SLC8A2: variants seen among roughly 807,000 people sequenced by gnomAD.
The protein encoded by SLC8A2 is solute carrier family 8 member A2.
Under a neutral mutation model 70.2 loss-of-function variants are expected in SLC8A2, and 14 were observed. That is an observed-to-expected ratio of 0.20 (90% CI 0.13 to 0.31). The LOEUF is 0.31. Among genes scored for constraint, SLC8A2 ranks in the 10% least tolerant of loss-of-function variants. SLC8A2 has a pLI of 1.00. For missense variants in SLC8A2, 779 were observed against 1,320.1 expected, an observed-to-expected ratio of 0.59 and a Z score of 6.35; for synonymous variants, 575 against 594.3, an observed-to-expected ratio of 0.97 and a Z score of 0.47.
At chr19:47,438,243 G>C (rs1485201216) in intron 6 of SLC8A2, among the ~76,000 whole-genome samples, 1 of 152,106 alleles carries the variant, frequency 6.6e-6, no homozygotes, top group African/African-American at 2.4e-5. Flanking sequence ...GAGCCTCTCT[G>C]TGCCTTAGTT....
rs1599843019 is a variant in SLC8A2, at chr19:47,432,043, A to G, written c.2389+124T>C. ...GGCTTCTATTATGCCCCACCTCCGT[A>G]TTTCTCTGAGACCCACCACATGGGC... On this transcript the variant is annotated intron_variant, in intron 9 of 9. Transcript: ENST00000236877. This position sits in a 1 kb window ranked among gnomAD's most constrained non-coding sequence, Gnocchi z 6.2. 2.2e-6 allele frequency: 2 copies of G among 913,268 alleles called. No homozygotes were observed. The allele number at this position is 913,268 out of a possible 1,614,324, so 56.6% of individuals were successfully genotyped here.
At chr19:47,459,805 A>G (rs527957846) in intron 2 of SLC8A2, among the ~76,000 whole-genome samples, 2 of 152,090 alleles carry the variant, frequency 1.3e-5, no homozygotes, top group African/African-American at 2.4e-5. Flanking sequence ...GTGTGTGCGC[A>G]CATGTGTGTA....
chr19:47,469,064 C>T (rs1247642849), intron 1 of SLC8A2, among the ~76,000 whole-genome samples: 3 of 151,508 alleles, frequency 2.0e-5, no homozygotes, highest in African/African-American at 7.3e-5. Flanking sequence ...AGGGAGGCAG[C>T]GTGTTGGCAG....
rs1386533965 is a variant in SLC8A2 at position 47,457,598 on chromosome 19, C to T, written c.676-4G>A. ...GGGTCAGCAGCGCCTCCCACACCTGCGGGCGGCGGGCGTCAGGGCGAGGCC... is the reference window on the plus strand; with the variant it reads ...GGGTCAGCAGCGCCTCCCACACCTGTGGGCGGCGGGCGTCAGGGCGAGGCC... On this transcript the variant is annotated splice_region_variant and splice_polypyrimidine_tract_variant and intron_variant, in intron 2 of 9. Coordinates refer to ENST00000236877, the MANE Select transcript of SLC8A2 (RefSeq NM_015063.3). 6.5e-7 allele frequency: 1 copy of T among 1,532,000 alleles called. No individual in the cohort carries two copies. The highest frequency in any genetic ancestry group is 2.5e-5 in the East Asian group (1 of 40,752). 94.9% of individuals were successfully genotyped at this position (1,532,000 alleles called of 1,614,324 possible).
intron 6 of SLC8A2, 109 bp from the exon 7 acceptor site, chr19:47,438,082 T>C: frequency 1.4e-6 from 2 of 1,407,126 alleles, no homozygotes; most frequent in Non-Finnish European, 9.8e-7. Context: ...TGTTCTCCTC[T>C]GGGAAGCTCC....
chr19:47,459,671 G>GTC (rs1187977059), intron 2 of SLC8A2, among the ~76,000 whole-genome samples: 18 of 150,870 alleles, frequency 1.2e-4, no homozygotes, highest in Middle Eastern at 3.5e-3. Flanking sequence ...CTGTGTGTGT[G>GTC]CATGTGTGTG....
intron 1 of SLC8A2, among the ~76,000 whole-genome samples, chr19:47,470,134 A>T (rs1338566681): frequency 6.6e-6 from 1 of 152,194 alleles, no homozygotes; most frequent in Non-Finnish European, 1.5e-5. Context: ...CCCCAGCATG[A>T]GCGCAGGCGC....
chr19:47,457,813 C>CCTTT (rs1040735097), intron 2 of SLC8A2, among the ~76,000 whole-genome samples: 3 of 145,584 alleles, frequency 2.1e-5, no homozygotes, highest in African/African-American at 7.6e-5. Context: ...TTCCTTTCTT[C>CCTTT]CTTCTTTCTC....
At chr19:47,451,317 G>GT (rs1967232792) in intron 3 of SLC8A2, among the ~76,000 whole-genome samples, 1 of 149,310 alleles carries the variant, frequency 6.7e-6, no homozygotes, top group African/African-American at 2.5e-5. Flanking sequence ...CCTTTTTTTT[G>GT]TTTTTGTTTG....
rs75437897 is a variant in SLC8A2 at position 47,459,579 on chromosome 19, C to T, written c.676-1985G>A. On this transcript the variant is annotated intron_variant, in intron 2 of 9. Coordinates refer to ENST00000236877, the MANE Select transcript of SLC8A2 (RefSeq NM_015063.3). Reference sequence around the variant, plus strand: ...ATGTGCATGTGTATATGTGTATGTGCGTGTGTGTGTCCTGTGTGTGCGTGC... The same window carrying T: ...ATGTGCATGTGTATATGTGTATGTGTGTGTGTGTGTCCTGTGTGTGCGTGC... Among the ~76,000 whole-genome samples, 349 of 151,080 alleles carry T rather than the reference C, an allele frequency of 2.3e-3. 5 individuals are homozygous for T. The East Asian group carries it at 0.059, about 25-fold the overall frequency.
At chr19:47,454,305 A>C (rs1259233447) in intron 3 of SLC8A2, among the ~76,000 whole-genome samples, 2 of 152,112 alleles carry the variant, frequency 1.3e-5, no homozygotes, top group African/African-American at 4.8e-5. Context: ...TGGAAAGGTG[A>C]AAAGATAGTT....
In SLC8A2 at chr19:47,457,119, C is replaced by T; in HGVS notation, c.1151G>A (p.Gly384Asp). The part of the protein sequence containing the change: ...DASRRAAPAE[G>D]AGEDEDDGAS... ...GCCGTCGTCTTCGTCCTCGCCCGCG[C>T]CCTCGGCCGGCGCCGCCCTGCGCGA... is the stretch of plus-strand genomic sequence containing the variant. The change falls in exon 3 of 10, where the codon GGC (glycine) becomes GAC (aspartate). Residue 384 changes from glycine (G) to aspartate (D), a missense_variant. Coordinates refer to ENST00000236877, the MANE Select transcript of SLC8A2 (RefSeq NM_015063.3). The T allele has an allele frequency of 6.5e-7, 1 of 1,548,732 alleles. No homozygotes were observed. The highest frequency in any genetic ancestry group is 8.7e-7 in the Non-Finnish European group (1 of 1,146,940).
At chr19:47,435,591 C>A (rs8113748) in intron 8 of SLC8A2, among the ~76,000 whole-genome samples, 1 of 149,750 alleles carries the variant, frequency 6.7e-6, no homozygotes, top group Non-Finnish European at 1.5e-5. Context: ...CTTTGTTGCC[C>A]AGGCTGGAGT....
chr19:47,460,979 G>A (rs1395865880), intron 2 of SLC8A2, among the ~76,000 whole-genome samples: 3 of 151,614 alleles, frequency 2.0e-5, no homozygotes, highest in African/African-American at 4.8e-5. Context: ...TTTGGGAGGC[G>A]GAAGTGGGTG....
At chr19:47,451,335 G>GT (rs1238859119) in intron 3 of SLC8A2, among the ~76,000 whole-genome samples, 1 of 148,466 alleles carries the variant, frequency 6.7e-6, no homozygotes, top group African/African-American at 2.6e-5. Context: ...TTGAGACAGG[G>GT]TCTTGTTCTG....
At chr19:47,445,297 C>G (rs995547362) in intron 4 of SLC8A2, among the ~76,000 whole-genome samples, 19 of 152,088 alleles carry the variant, frequency 1.2e-4, no homozygotes, top group Admixed American at 5.9e-4. Flanking sequence ...TTAGTAGAGA[C>G]GGGGTTTCAT....
chr19:47,437,083 C>T (rs1967038690), intron 8 of SLC8A2, among the ~76,000 whole-genome samples: 1 of 152,178 alleles, frequency 6.6e-6, no homozygotes, highest in Non-Finnish European at 1.5e-5. Context: ...TCTGTATCCT[C>T]ATCTACCTGC....
chr19:47,457,671 C>G, intron 2 of SLC8A2, 77 bp from the exon 3 acceptor site: 1 of 968,910 alleles, frequency 1.0e-6, no homozygotes, highest in Non-Finnish European at 1.5e-6. Context: ...AGTCTCTGTC[C>G]GCCTCTGCCA....
intron 1 of SLC8A2, among the ~76,000 whole-genome samples, chr19:47,470,348 TACACACACACACAC>T (rs71180846): frequency 7.2e-5 from 10 of 139,300 alleles, no homozygotes; most frequent in Non-Finnish European, 1.1e-4. Context: ...GGAGACATCA[TACACACACACACAC>T]ACACACACAC....
Sources: gnomAD v4.1 joint callset for allele counts (sites outside exome capture counted in the v4.1 genomes callset) on GRCh38, gnomAD v4.1.1 for gene constraint, Gnocchi (gnomAD v3.1) non-coding constraint, MANE v1.5 for transcripts, NCBI Gene and HGNC (gene_info 2026-07-23, HGNC 2026-07-21) for gene names.